DUSP15: variants seen among roughly 807,000 people sequenced by gnomAD.
The protein encoded by DUSP15 is dual specificity protein phosphatase 15.
A neutral mutation model predicts 26.3 loss-of-function variants in DUSP15; 23 were observed. The observed-to-expected ratio is 0.87, with a 90% CI of 0.63 to 1.24. The LOEUF (loss-of-function observed/expected upper bound fraction) is 1.24, where lower values mean the gene tolerates loss of function less well. Ranked by LOEUF, DUSP15 falls within the 50% of genes most tolerant of loss-of-function variation. The pLI is 0.00. For synonymous variants in DUSP15, 143 were observed against 135.5 expected, an observed-to-expected ratio of 1.06 and a Z score of -0.39; for missense variants, 364 against 320.6, an observed-to-expected ratio of 1.14 and a Z score of -1.03.
intron 4 of DUSP15, 31 bp from the exon 5 acceptor site, chr20:31,864,012 C>T (rs757904676): frequency 1.2e-6 from 2 of 1,612,302 alleles, no homozygotes; most frequent in Non-Finnish European, 8.5e-7. Flanking sequence ...GTAGGGAGCA[C>T]TGCAGGGCAG....
intron 9 of DUSP15, chr20:31,848,583 G>A: frequency 6.4e-7 from 1 of 1,555,324 alleles, no homozygotes; most frequent in Non-Finnish European, 8.7e-7. Context: ...GGCGGGTGGG[G>A]CGATGAGCAG....
chr20:31,870,423 G>A lies in DUSP15; in HGVS notation c.-86C>T, dbSNP rs145887255. 0.016 allele frequency: 20,593 copies of A among 1,290,482 alleles called. 354 individuals carry two copies. Among genetic ancestry groups the A allele is most frequent in the Admixed American group, 0.1 (2,940 of 28,922 alleles). 79.9% of individuals were successfully genotyped at this position (1,290,482 alleles called of 1,614,324 possible). A position where few individuals can be genotyped will look rare whatever the true frequency, so the allele number is the denominator to read the frequency against. On this transcript the variant is annotated 5_prime_UTR_variant, in exon 1 of 7. Coordinates refer to ENST00000339738, the MANE Select transcript of DUSP15 (RefSeq NM_080611.5). This position sits in a 1 kb window ranked among gnomAD's most constrained non-coding sequence, Gnocchi z 6.6. ...ACAGCTGCCCTGACGGCCCAGGCCC[G>A]ACGCCTGCAGCCTGGCGGGGAACGG...
At chr20:31,850,169 C>T (rs1224022743) in intron 7 of DUSP15, among the ~76,000 whole-genome samples, 2 of 152,224 alleles carry the variant, frequency 1.3e-5, no homozygotes, top group Admixed American at 1.3e-4. Context: ...GGAGCTTCCT[C>T]CCAGCAAAGA....
At chr20:31,860,470 G>T (rs975899382), downstream of DUSP15, among the ~76,000 whole-genome samples, 9 of 152,200 alleles carry the variant, frequency 5.9e-5, no homozygotes, top group Non-Finnish European at 1.2e-4. Context: ...TGGCAGGAAG[G>T]GTCATTCCCA....
exon 8 of DUSP15, chr20:31,849,811 T>C: frequency 6.5e-7 from 1 of 1,530,782 alleles, no homozygotes; most frequent in Non-Finnish European, 8.7e-7. Flanking sequence ...AGCGCTGGGC[T>C]GTGCGCCCGG....
Position 31,870,268 on chromosome 20 carries a change from C to T in DUSP15, c.21+49G>A. The stretch of plus-strand genomic sequence containing the variant: ...GACCGAGCTGGTCAGCGCCGGGCCG[C>T]GGCGGCCGGGGCGGGGACCGGGGAG... On this transcript the variant is annotated intron_variant, in intron 1 of 6. Transcript: ENST00000339738. This position sits in a 1 kb window ranked among gnomAD's most constrained non-coding sequence, Gnocchi z 6.6. 8.2e-7 allele frequency: 1 copy of T among 1,225,966 alleles called. No individual in the cohort carries two copies. The highest frequency in any genetic ancestry group is 4.1e-5 in the South Asian group (1 of 24,234). The allele number at this position is 1,225,966 out of a possible 1,614,324, so 75.9% of individuals were successfully genotyped here.
chr20:31,863,880 C>T (rs372351015), intron 5 of DUSP15, 27 bp downstream of exon 5: 20 of 1,609,144 alleles, frequency 1.2e-5, no homozygotes, highest in Admixed American at 8.3e-5. Context: ...CTTCCTCCCC[C>T]ACCTTATCCC....
In DUSP15 at chr20:31,861,554, G is replaced by A. The variant is rs1861473304; in HGVS notation, c.557C>T (p.Ala186Val). ...RQGSATSASS[A>V]GPHSAASEGT... Reference sequence around the variant, plus strand: ...CTCGGAGGCTGCTGAGTGCGGCCCGGCGGAGGAGGCCGAGGTCGCGGAGCC... The same window carrying A: ...CTCGGAGGCTGCTGAGTGCGGCCCGACGGAGGAGGCCGAGGTCGCGGAGCC... Residue 186 changes from alanine to valine, a missense_variant, in exon 7 of 7, where the codon GCC (alanine) becomes GTC (valine). Ala to Val is a moderately conservative substitution (Grantham distance 64). Transcript: ENST00000339738. The A allele has an allele frequency of 6.6e-7, 1 of 1,504,814 alleles. No homozygotes were observed. Among genetic ancestry groups the A allele is most frequent in the Non-Finnish European group, 8.8e-7 (1 of 1,135,064 alleles). The allele number at this position is 1,504,814 out of a possible 1,614,324, so 93.2% of individuals were successfully genotyped here. A position where few individuals can be genotyped will look rare whatever the true frequency, so the allele number is the denominator to read the frequency against.
chr20:31,849,412 C>T (rs1419757315), intron 8 of DUSP15: 1 of 493,646 alleles, frequency 2.0e-6, no homozygotes, highest in African/African-American at 2.0e-5. Flanking sequence ...TGCCCAGCAC[C>T]CTTAGGCCCA....
Position 31,867,103 on chromosome 20 carries a change from A to C in DUSP15, c.106T>G (p.Ser36Ala). Residue 36 changes from serine to alanine, a missense_variant, in exon 3 of 7, where the codon TCT (serine) becomes GCT (alanine). Transcript: ENST00000339738. ...AGAGGCTGGGGTGACTCATGGATAG[A>C]GATGATGTGTGTGATCTTATTTCGG... ...LGRNKITHII[S>A]IHESPQPLLQ... The C allele has an allele frequency of 6.3e-7, 1 of 1,591,416 alleles. No homozygotes were observed. Among genetic ancestry groups the C allele is most frequent in the Non-Finnish European group, 8.6e-7 (1 of 1,168,412 alleles).
Position 31,861,597 on chromosome 20 carries a change from A to G in DUSP15, c.514T>C (p.Cys172Arg), listed in dbSNP as rs1046413144. 7 of 1,493,162 alleles carry G rather than the reference A, an allele frequency of 4.7e-6. 1 individual carries two copies. Among genetic ancestry groups the G allele is most frequent in the Middle Eastern group, 2.3e-4 (1 of 4,384 alleles). 92.5% of individuals were successfully genotyped at this position (1,493,162 alleles called of 1,614,324 possible). A position where few individuals can be genotyped will look rare whatever the true frequency, so the allele number is the denominator to read the frequency against. Residue 172 changes from cysteine to arginine, a missense_variant, in exon 7 of 7, where the codon TGC becomes CGC. Physicochemically the swap from Cys to Arg is radical, Grantham distance 180. Coordinates refer to ENST00000339738, the MANE Select transcript of DUSP15 (RefSeq NM_080611.5). ...EEELRALLPL[C>R]KRCRQGSATS... ...GCGGAGCCCTGCCGGCAGCGCTTGC[A>G]CAGCGGCAGCAGCGCGCGCAACTCC...
rs1600495293 is a variant in DUSP15, at chr20:31,870,158, A to C, written c.21+159T>G. The C allele has an allele frequency of 8.2e-7, 1 of 1,225,038 alleles. No individual in the cohort carries two copies. 75.9% of individuals were successfully genotyped at this position (1,225,038 alleles called of 1,614,324 possible). On this transcript the variant is annotated intron_variant, in intron 1 of 6. Coordinates refer to ENST00000339738, the MANE Select transcript of DUSP15 (RefSeq NM_080611.5). This position sits in a 1 kb window ranked among gnomAD's most constrained non-coding sequence, Gnocchi z 6.6. ...GAGACGCAGGGTCAGAGAGGGGGAG[A>C]CCCGACAGCCGCGGTCTCGAGTCAC...
intron 3 of DUSP15, among the ~76,000 whole-genome samples, chr20:31,866,774 G>A (rs149266809): frequency 1.8e-3 from 281 of 152,300 alleles, no homozygotes; most frequent in African/African-American, 6.2e-3. Context: ...GTTGGGTCAT[G>A]GGAAGCCCAT....
At chr20:31,864,032 G>A in intron 4 of DUSP15, 51 bp from the exon 5 acceptor site, 1 of 1,608,728 alleles carries the variant, frequency 6.2e-7, no homozygotes, top group African/African-American at 1.3e-5. Flanking sequence ...GACCTCTCAG[G>A]AGTTGTTCCG....
At chr20:31,869,689 C>A (rs1167162516) in intron 1 of DUSP15, 92 bp from the exon 2 acceptor site, 4 of 1,558,060 alleles carry the variant, frequency 2.6e-6, no homozygotes, top group Non-Finnish European at 3.5e-6. Context: ...CCTCTCTGTC[C>A]CATGAAGGGT....
At chr20:31,869,793 G>C in intron 1 of DUSP15, 196 bp from the exon 2 acceptor site, 19 of 1,441,800 alleles carry the variant, frequency 1.3e-5, no homozygotes, top group Non-Finnish European at 1.6e-5. Flanking sequence ...GGTAGGCTAG[G>C]GGGCCAGTTA....
chr20:31,850,821 G>T (rs1321344870), intron 6 of DUSP15: 2 of 839,258 alleles, frequency 2.4e-6, no homozygotes, highest in Non-Finnish European at 3.9e-6. Flanking sequence ...GAGGATGGGT[G>T]GTAGTAAGGA....
downstream of DUSP15, among the ~76,000 whole-genome samples, chr20:31,845,910 A>G (rs2062372181): frequency 6.6e-6 from 1 of 152,176 alleles, no homozygotes; most frequent in African/African-American, 2.4e-5. Flanking sequence ...AGGCAGAAAC[A>G]TATGAAACAG....
At chr20:31,857,978 T>C (rs1051506413), downstream of DUSP15, among the ~76,000 whole-genome samples, 1 of 152,078 alleles carries the variant, frequency 6.6e-6, no homozygotes, top group South Asian at 2.1e-4. Flanking sequence ...GCTGATTGTT[T>C]TAAGAAAGTG....
Sources: allele counts gnomAD v4.1 joint callset (sites outside exome capture counted in the v4.1 genomes callset), GRCh38; gene constraint gnomAD v4.1.1; non-coding constraint Gnocchi (gnomAD v3.1); transcripts MANE v1.5; gene names NCBI Gene and HGNC (gene_info 2026-07-23, HGNC 2026-07-21).